Variants in TRPC5 observed in about 807,000 individuals in gnomAD.
The protein encoded by TRPC5 is transient receptor potential cation channel subfamily C member 5.
A neutral mutation model predicts 56.5 loss-of-function variants in TRPC5; 9 were observed. That is an observed-to-expected ratio of 0.16 (90% CI 0.10 to 0.28). The LOEUF is 0.28. TRPC5 is among the 10% of genes least tolerant of loss of function. The pLI, the probability that TRPC5 is intolerant of heterozygous loss-of-function variation, is 1.00. For synonymous variants in TRPC5, 282 were observed against 278.5 expected, an observed-to-expected ratio of 1.01 and a Z score of -0.13; for missense variants, 469 against 748.9, an observed-to-expected ratio of 0.63 and a Z score of 4.36.
chrX:112,043,450 T>A lies in TRPC5; in HGVS notation c.-22+38429A>T, dbSNP rs750754246. On this transcript the variant is annotated intron_variant, in intron 1 of 10. Transcript: ENST00000262839. ...GCAGCATTCCCCTTCCTAACACGTA[T>A]TTCCAAAAGTAGCTACTGGCTTAGT... 3.3e-4 allele frequency among the ~76,000 whole-genome samples: 37 copies of A among 111,405 alleles called. No homozygotes were observed. The South Asian group carries it at 0.014, about 42-fold the overall frequency.
At position 111,776,147 on chromosome X, in the gene TRPC5, CAAG is replaced by C. The variant is rs1330103381; in HGVS notation, c.*163_*165del. ...AATAATAATGAAAGTAATAATAAAA[CAAG>C]AACAAAAATGGAGAATGTGGCTATA... On this transcript the variant is annotated 3_prime_UTR_variant, in exon 11 of 11. Transcript: ENST00000262839. 6.9e-4 allele frequency: 314 copies of C among 456,795 alleles called. 2 individuals carry two copies. Among genetic ancestry groups the C allele is most frequent in the East Asian group, 6.3e-3 (166 of 26,237 alleles). 37.6% of individuals were successfully genotyped at this position (456,795 alleles called of 1,213,427 possible). A position where few individuals can be genotyped will look rare whatever the true frequency, so the allele number is the denominator to read the frequency against.
At chrX:112,061,565 G>A (rs1446699859) in intron 1 of TRPC5, among the ~76,000 whole-genome samples, 1 of 111,942 alleles carries the variant, frequency 8.9e-6, no homozygotes, top group Non-Finnish European at 1.9e-5. Flanking sequence ...AAGACTCTGA[G>A]AGTCTCTGGC....
chrX:111,962,838 C>A (rs187136945), intron 1 of TRPC5, among the ~76,000 whole-genome samples: 1 of 111,498 alleles, frequency 9.0e-6, no homozygotes, highest in Non-Finnish European at 1.9e-5. Context: ...AAGAAATTGC[C>A]GGGGGTGGAG....
chrX:112,067,448 G>T (rs976056520), intron 1 of TRPC5, among the ~76,000 whole-genome samples: 3 of 112,460 alleles, frequency 2.7e-5, no homozygotes, highest in African/African-American at 9.7e-5. Flanking sequence ...CATATTGCTG[G>T]ACTGTGTGTC....
At chrX:111,968,801 A>G (rs1454182402) in intron 1 of TRPC5, among the ~76,000 whole-genome samples, 1 of 80,378 alleles carries the variant, frequency 1.2e-5, no homozygotes, top group African/African-American at 4.9e-5. Flanking sequence ...CAGGAAGGGA[A>G]ACATCACACT....
chrX:112,007,117 T>A (rs987265779), intron 1 of TRPC5, among the ~76,000 whole-genome samples: 1 of 110,769 alleles, frequency 9.0e-6, no homozygotes, highest in African/African-American at 3.3e-5. Context: ...AGGCTAGGAA[T>A]AATAGGATGG....
intron 1 of TRPC5, among the ~76,000 whole-genome samples, chrX:112,030,110 C>G (rs1406273977): frequency 8.9e-6 from 1 of 112,487 alleles, no homozygotes; most frequent in African/African-American, 3.2e-5. Flanking sequence ...CAGGCGTGAG[C>G]CACCGCACCC....
intron 8 of TRPC5, among the ~76,000 whole-genome samples, chrX:111,781,705 C>T (rs377726587): frequency 9.0e-6 from 1 of 111,060 alleles, no homozygotes; most frequent in South Asian, 3.9e-4. Flanking sequence ...GCCTGGATGA[C>T]AGAGCGAGAC....
At chrX:111,842,136 A>ATATATAATATATAT (rs1922772890) in intron 6 of TRPC5, among the ~76,000 whole-genome samples, 1 of 89,113 alleles carries the variant, frequency 1.1e-5, no homozygotes, top group Non-Finnish European at 2.0e-5. Flanking sequence ...ATATATGTAT[A>ATATATAATATATAT]TATATATATA....
At chrX:111,908,245 GA>G (rs1355005046) in intron 3 of TRPC5, among the ~76,000 whole-genome samples, 1 of 111,524 alleles carries the variant, frequency 9.0e-6, no homozygotes, top group African/African-American at 3.3e-5. Flanking sequence ...AGAGTTTGAT[GA>G]GTATAAATTA....
At position 111,911,653 on chromosome X, in the gene TRPC5, C is replaced by A. The variant is rs563604670; in HGVS notation, c.900+638G>T. 5.3e-5 allele frequency among the ~76,000 whole-genome samples: 6 copies of A among 112,503 alleles called. No homozygotes were observed. In the South Asian group the frequency reaches 2.2e-3, roughly 42 times the overall value. On this transcript the variant is annotated intron_variant, in intron 3 of 10. Transcript: ENST00000262839. ...CTGTGACCTGCTTGAACTGACCTCC[C>A]TCAAAGACGTGGAACCTAACATTTT...
chrX:111,782,567 G>A (rs1349144991), intron 7 of TRPC5, among the ~76,000 whole-genome samples: 4 of 111,335 alleles, frequency 3.6e-5, no homozygotes, highest in Admixed American at 1.9e-4. Context: ...ATTATGTACA[G>A]TGATCCCATT....
chrX:111,782,040 G>A lies in TRPC5; in HGVS notation c.1995C>T (p.Pro665=). ...GTLPPPFNII[P]SPKSFLYLGN... ...CAAGGTATAGAAATGACTTGGGGCT[G>A]GGGATGATGTTGAAAGGAGGTGGCA... Residue 665 remains proline, a synonymous_variant, in exon 8 of 11, where the codon CCC becomes CCT. Transcript: ENST00000262839. The A allele has an allele frequency of 1.7e-6, 2 of 1,211,324 alleles. No individual in the cohort carries two copies. Among genetic ancestry groups the A allele is most frequent in the Non-Finnish European group, 2.2e-6 (2 of 894,925 alleles).
chrX:112,064,573 A>C (rs911269445), intron 1 of TRPC5, among the ~76,000 whole-genome samples: 5 of 112,182 alleles, frequency 4.5e-5, no homozygotes, highest in Non-Finnish European at 9.4e-5. Context: ...CTTTGGCTCA[A>C]CTTCTCAGAA....
intron 1 of TRPC5, among the ~76,000 whole-genome samples, chrX:112,049,399 T>TGCG (rs1930150949): frequency 9.3e-6 from 1 of 107,052 alleles, no homozygotes; most frequent in African/African-American, 3.4e-5. Flanking sequence ...AAAGCATGTA[T>TGCG]TACAGGCTAC....
chrX:111,788,029 T>C (rs191706540), intron 7 of TRPC5, among the ~76,000 whole-genome samples: 75 of 111,844 alleles, frequency 6.7e-4, no homozygotes, highest in African/African-American at 2.3e-3. Context: ...ATCCAATCAA[T>C]AGATAAAGAC....
At chrX:112,068,956 G>T (rs1444854100) in intron 1 of TRPC5, among the ~76,000 whole-genome samples, 1 of 111,847 alleles carries the variant, frequency 8.9e-6, no homozygotes, top group Non-Finnish European at 1.9e-5. Flanking sequence ...AAAGAAATGG[G>T]CTCAGAGAGG....
intron 1 of TRPC5, among the ~76,000 whole-genome samples, chrX:112,012,373 T>TTTTTC (rs957220105): frequency 1.4e-4 from 16 of 111,754 alleles, no homozygotes; most frequent in South Asian, 3.8e-4. Flanking sequence ...AGTCTCTTTT[T>TTTTTC]TTTTCTTTTC....
chrX:111,955,667 A>C (rs1262871010), intron 1 of TRPC5, among the ~76,000 whole-genome samples: 1 of 111,873 alleles, frequency 8.9e-6, no homozygotes, highest in African/African-American at 3.2e-5. Flanking sequence ...TCATAGCTTT[A>C]GCCTCAGCCT....
Sources: gnomAD v4.1 joint callset for allele counts (sites outside exome capture counted in the v4.1 genomes callset) on GRCh38, gnomAD v4.1.1 for gene constraint, MANE v1.5 for transcripts, NCBI Gene and HGNC (gene_info 2026-07-23, HGNC 2026-07-21) for gene names.